Variants in TENM3 observed in about 807,000 individuals in gnomAD.
The protein encoded by TENM3 is teneurin transmembrane protein 3.
TENM3 carries 63 observed loss-of-function variants against 255.1 expected under a neutral mutation model. The ratio of observed to expected loss-of-function variants is 0.25; its 90% confidence interval spans 0.20 to 0.30. The LOEUF (loss-of-function observed/expected upper bound fraction) is 0.30. Ranked by LOEUF, TENM3 falls within the 10% of genes least tolerant of loss-of-function variation. The pLI, the probability that TENM3 is intolerant of heterozygous loss-of-function variation, is 1.00. For synonymous variants in TENM3, 1,306 were observed against 1,322.3 expected (o/e 0.99, Z 0.27); for missense variants, 2,929 against 3,461.1 (o/e 0.85, Z 3.86).
the TENM3 span, among the ~76,000 whole-genome samples, chr4:181,844,010 G>A: frequency 2.0e-5 from 3 of 151,892 alleles, no homozygotes; most frequent in African/African-American, 4.8e-5. Flanking sequence ...GAGCCACCGC[G>A]CCCGGCCGAG....
intron 3 of TENM3, among the ~76,000 whole-genome samples, chr4:182,386,536 C>A (rs559230490): frequency 6.6e-6 from 1 of 152,304 alleles, no homozygotes; most frequent in African/African-American, 2.4e-5. Context: ...GAGCCCGCTC[C>A]CTCAGCTTGC....
At chr4:182,297,998 A>C (rs538691209) in intron 1 of TENM3, among the ~76,000 whole-genome samples, 2 of 152,298 alleles carry the variant, frequency 1.3e-5, no homozygotes, top group South Asian at 4.1e-4. Context: ...TTGGTCACTC[A>C]CTGCACTTCC....
chr4:182,434,117 TA>T (rs140378247), intron 3 of TENM3, among the ~76,000 whole-genome samples: 45,231 of 146,312 alleles, frequency 0.31, 7,106 homozygotes, highest in Middle Eastern at 0.41. Flanking sequence ...CTGCCTCCAT[TA>T]AAAAAAAAAA....
the TENM3 span, among the ~76,000 whole-genome samples, chr4:181,628,021 T>A: frequency 6.6e-6 from 1 of 152,192 alleles, no homozygotes; most frequent in African/African-American, 2.4e-5. Context: ...TTTTTAATGA[T>A]CACCATACTA....
chr4:181,636,644 A>C, the TENM3 span, among the ~76,000 whole-genome samples: 1 of 151,828 alleles, frequency 6.6e-6, no homozygotes, highest in African/African-American at 2.4e-5. Flanking sequence ...CACTCCACCC[A>C]CTTCTCCCCA....
chr4:181,629,825 T>A, the TENM3 span, among the ~76,000 whole-genome samples: 4 of 152,232 alleles, frequency 2.6e-5, no homozygotes, highest in Non-Finnish European at 5.9e-5. Flanking sequence ...CTGCAAGGCT[T>A]TGCTATCAGG....
upstream of TENM3, among the ~76,000 whole-genome samples, chr4:182,240,472 C>T (rs1757178897): frequency 6.6e-6 from 1 of 152,194 alleles, no homozygotes; most frequent in South Asian, 2.1e-4. Context: ...TTAGGCTCCT[C>T]AGATGCTGAA....
chr4:182,652,070 T>C (rs1243274114), intron 5 of TENM3, among the ~76,000 whole-genome samples: 1 of 152,228 alleles, frequency 6.6e-6, no homozygotes, highest in Non-Finnish European at 1.5e-5. Flanking sequence ...TCTAAATTAC[T>C]ATATTTTATC....
At chr4:182,363,624 A>AATATGT (rs1477488128) in intron 3 of TENM3, among the ~76,000 whole-genome samples, 2 of 152,144 alleles carry the variant, frequency 1.3e-5, no homozygotes, top group Non-Finnish European at 2.9e-5. Flanking sequence ...TATTTTAAAG[A>AATATGT]ATATGTATAC....
At chr4:181,546,849 GTTTT>G in the TENM3 span, among the ~76,000 whole-genome samples, 1 of 150,352 alleles carries the variant, frequency 6.7e-6, no homozygotes, top group African/African-American at 2.5e-5. Context: ...TTCTTTTTTT[GTTTT>G]TTTGTTTTTG....
the TENM3 span, among the ~76,000 whole-genome samples, chr4:181,973,439 C>G: frequency 6.6e-6 from 1 of 152,146 alleles, no homozygotes. Context: ...AGACGGAATG[C>G]TGTTTTAAAT....
the TENM3 span, among the ~76,000 whole-genome samples, chr4:181,449,298 G>T: frequency 6.6e-6 from 1 of 152,120 alleles, no homozygotes; most frequent in Non-Finnish European, 1.5e-5. Flanking sequence ...ATTGCTGGTG[G>T]GTTGAGCCGA....
At chr4:182,777,719 G>A (rs1293459259) in intron 24 of TENM3, among the ~76,000 whole-genome samples, 2 of 150,208 alleles carry the variant, frequency 1.3e-5, no homozygotes, top group Non-Finnish European at 3.0e-5. Flanking sequence ...CACCATGCCC[G>A]GCTAATTTTT....
intron 3 of TENM3, among the ~76,000 whole-genome samples, chr4:182,468,414 T>C (rs1252224614): frequency 1.3e-5 from 2 of 152,176 alleles, no homozygotes; most frequent in Non-Finnish European, 2.9e-5. Context: ...TCCTGATCTG[T>C]GCTCAGCTAC....
chr4:182,000,060 G>A, the TENM3 span, among the ~76,000 whole-genome samples: 3 of 152,074 alleles, frequency 2.0e-5, no homozygotes, highest in African/African-American at 7.2e-5. Context: ...TTAATTTGGT[G>A]AAAATTTAGT....
chr4:181,907,524 C>T, the TENM3 span, among the ~76,000 whole-genome samples: 1 of 152,136 alleles, frequency 6.6e-6, no homozygotes, highest in Non-Finnish European at 1.5e-5. Flanking sequence ...CCACAGACAC[C>T]GTGGTTGTAA....
chr4:182,790,400 C>A (rs1766009326), intron 25 of TENM3, among the ~76,000 whole-genome samples: 1 of 152,192 alleles, frequency 6.6e-6, no homozygotes, highest in South Asian at 2.1e-4. Flanking sequence ...TGTTCTTTAC[C>A]AGAGGTGCCC....
chr4:181,600,190 A>G, the TENM3 span, among the ~76,000 whole-genome samples: 1 of 152,206 alleles, frequency 6.6e-6, no homozygotes, highest in South Asian at 2.1e-4. Flanking sequence ...GCTGTGTAAT[A>G]TACCATTGTG....
chr4:182,267,409 T>G (rs1416749981), intron 1 of TENM3, among the ~76,000 whole-genome samples: 1 of 152,220 alleles, frequency 6.6e-6, no homozygotes, highest in African/African-American at 2.4e-5. Context: ...GCCAAGGCTT[T>G]GACTGGAATA....
Sources: gnomAD v4.1 joint callset for allele counts (sites outside exome capture counted in the v4.1 genomes callset) on GRCh38, gnomAD v4.1.1 for gene constraint, MANE v1.5 for transcripts, NCBI Gene and HGNC (gene_info 2026-07-23, HGNC 2026-07-21) for gene names.